Variants in PER3 observed in about 807,000 individuals in gnomAD.
PER3 encodes the protein period circadian protein homolog 3.
PER3 carries 107 observed loss-of-function variants against 127.2 expected under a neutral mutation model. That is an observed-to-expected ratio of 0.84 (90% CI 0.72 to 0.99). PER3 has a LOEUF of 0.99. PER3 is among the 50% of genes least tolerant of loss of function. The pLI, the probability that PER3 is intolerant of heterozygous loss-of-function variation, is 0.00. For missense variants in PER3, 1,560 were observed against 1,525.8 expected, an observed-to-expected ratio of 1.02 and a Z score of -0.37; for synonymous variants, 618 against 585.8, an observed-to-expected ratio of 1.05 and a Z score of -0.79.
At chr1:7,785,236 A>C (rs1477456685) in intron 2 of PER3, among the ~76,000 whole-genome samples, 1 of 152,158 alleles carries the variant, frequency 6.6e-6, no homozygotes, top group Non-Finnish European at 1.5e-5. Flanking sequence ...GCTCAAGTGG[A>C]TTAAGGGAAA....
chr1:7,838,382 A>G (rs922468575), intron 21 of PER3, among the ~76,000 whole-genome samples: 2 of 151,544 alleles, frequency 1.3e-5, no homozygotes, highest in African/African-American at 2.4e-5. Context: ...CCTTCTCCCA[A>G]CCCTTTGCAA....
intron 16 of PER3, among the ~76,000 whole-genome samples, chr1:7,824,843 T>C (rs1210591340): frequency 6.6e-6 from 1 of 152,206 alleles, no homozygotes; most frequent in Non-Finnish European, 1.5e-5. Flanking sequence ...CCGGCACTAT[T>C]CCGCAGCTTG....
At chr1:7,792,718 A>G (rs1381481232) in intron 5 of PER3, among the ~76,000 whole-genome samples, 1 of 152,234 alleles carries the variant, frequency 6.6e-6, no homozygotes, top group African/African-American at 2.4e-5. Context: ...GTCCTGTATT[A>G]GAATATGTTT....
At chr1:7,831,347 G>A (rs2097330683) in intron 19 of PER3, among the ~76,000 whole-genome samples, 1 of 152,108 alleles carries the variant, frequency 6.6e-6, no homozygotes, top group African/African-American at 2.4e-5. Context: ...AGTTTTAGTA[G>A]CTCTTTTTAG....
In PER3 at chr1:7,836,995, T is replaced by C. The variant is rs201102772; in HGVS notation, c.3399-4T>C. 1.2e-5 allele frequency: 19 copies of C among 1,610,046 alleles called. No homozygotes were observed. The highest frequency in any genetic ancestry group is 8.5e-5 in the Admixed American group (5 of 59,126). ...CTATTAAGATTCTGTTTGTTTGTTT[T>C]CAGGGTTAAAGAAGTTGTACTAAAA... On this transcript the variant is annotated splice_polypyrimidine_tract_variant and splice_region_variant and intron_variant, in intron 20 of 21. Transcript: ENST00000377532.
intron 5 of PER3, among the ~76,000 whole-genome samples, chr1:7,791,550 C>T (rs1220607648): frequency 6.6e-6 from 1 of 152,176 alleles, no homozygotes; most frequent in Non-Finnish European, 1.5e-5. Context: ...AGACATTTTC[C>T]CCATTGTCTT....
At chr1:7,840,938 A>G (rs2097383973) in intron 21 of PER3, among the ~76,000 whole-genome samples, 1 of 152,092 alleles carries the variant, frequency 6.6e-6, no homozygotes, top group African/African-American at 2.4e-5. Context: ...GTTGTTTTAA[A>G]ATCTTTGTCT....
At chr1:7,786,891 G>C in intron 4 of PER3, 55 bp downstream of exon 4, 2 of 950,906 alleles carry the variant, frequency 2.1e-6, no homozygotes, top group Non-Finnish European at 3.5e-6. Context: ...CTAAGGGCCT[G>C]CTCTAGATGT....
chr1:7,794,353 C>T (rs1460640382), intron 6 of PER3, among the ~76,000 whole-genome samples: 4 of 152,038 alleles, frequency 2.6e-5, no homozygotes, highest in South Asian at 2.1e-4. Flanking sequence ...ATTAATTAGA[C>T]GTGGTAGTGC....
At chr1:7,810,237 T>G in intron 12 of PER3, 2 of 626,324 alleles carry the variant, frequency 3.2e-6, no homozygotes, top group Admixed American at 6.6e-5. Flanking sequence ...TTCTAAAAAT[T>G]AGCATATTGT....
intron 18 of PER3, among the ~76,000 whole-genome samples, chr1:7,828,474 CAA>C (rs2097313460): frequency 6.6e-6 from 1 of 152,216 alleles, no homozygotes; most frequent in African/African-American, 2.4e-5. Flanking sequence ...GAATCCAAGG[CAA>C]GTGTGAATAT....
Position 7,844,019 on chromosome 1 carries a change from C to G in PER3, c.*1264C>G, listed in dbSNP as rs960024521. On this transcript the variant is annotated 3_prime_UTR_variant, in exon 22 of 22. Transcript: ENST00000377532. ...TAACCTGTTGTCTTTATATAACTTG[C>G]AACAAACTAATTTATTTTTTTTTCC... 6 of 1,093,054 alleles carry G rather than the reference C, an allele frequency of 5.5e-6. No individual in the cohort carries two copies. The South Asian group carries it at 7.9e-5, about 14-fold the overall frequency. 67.7% of individuals were successfully genotyped at this position (1,093,054 alleles called of 1,614,324 possible).
chr1:7,804,690 C>G (rs1192308022), intron 10 of PER3, among the ~76,000 whole-genome samples: 1 of 151,794 alleles, frequency 6.6e-6, no homozygotes, highest in South Asian at 2.1e-4. Flanking sequence ...GTACGAGCCA[C>G]TGCGCCCGGA....
At position 7,829,956 on chromosome 1, in the gene PER3, GCCTCC is replaced by G; in HGVS notation, c.3011_3015del (p.Pro1004HisfsTer77). 2 of 1,126,188 alleles carry G rather than the reference GCCTCC, an allele frequency of 1.8e-6. No individual in the cohort carries two copies. Among genetic ancestry groups the G allele is most frequent in the South Asian group, 2.0e-5 (1 of 50,316 alleles). 69.8% of individuals were successfully genotyped at this position (1,126,188 alleles called of 1,614,324 possible). A position where few individuals can be genotyped will look rare whatever the true frequency, so the allele number is the denominator to read the frequency against. Reference sequence around the variant, plus strand: ...CTGCCAGCGCTCTGTCCACAGGATCGCCTCCCATGAAGAATCCATCCCATCCTACT... The same window carrying G: ...CTGCCAGCGCTCTGTCCACAGGATCGCATGAAGAATCCATCCCATCCTACT... On this transcript the variant is annotated frameshift_variant, in exon 19 of 22. Transcript: ENST00000377532. LOFTEE classifies it high-confidence loss of function.
chr1:7,794,810 C>T (rs1009312494), intron 6 of PER3, among the ~76,000 whole-genome samples: 1 of 151,192 alleles, frequency 6.6e-6, no homozygotes, highest in Admixed American at 6.6e-5. Flanking sequence ...AATTTTTTAT[C>T]TTCTAAATTT....
At chr1:7,816,784 A>G (rs572656229) in intron 13 of PER3, among the ~76,000 whole-genome samples, 73 of 152,306 alleles carry the variant, frequency 4.8e-4, no homozygotes, top group Middle Eastern at 3.4e-3. Context: ...AGTTAGACAT[A>G]CTCTTACCAT....
At chr1:7,823,368 C>T (rs886917637) in intron 16 of PER3, among the ~76,000 whole-genome samples, 8 of 152,110 alleles carry the variant, frequency 5.3e-5, no homozygotes, top group South Asian at 2.1e-4. Context: ...AGCAGCCGGG[C>T]GTGGTGGTTC....
chr1:7,827,089 A>T, intron 17 of PER3, 29 bp from the exon 18 acceptor site: 1 of 1,512,854 alleles, frequency 6.6e-7, no homozygotes, highest in Non-Finnish European at 8.9e-7. Context: ...TTAATTTTCC[A>T]TAATTTGCCT....
At position 7,808,937 on chromosome 1, in the gene PER3, T is replaced by C; in HGVS notation, c.1181T>C (p.Met394Thr). The part of the protein sequence containing the change: ...EDVFATKIKK[M>T]NDNDKDITEL... ...GTTTTTGCTACCAAAATTAAAAAGA[T>C]GAACGATAATGACAAAGACATAACA... Residue 394 changes from methionine to threonine, a missense_variant, in exon 11 of 22, where the codon ATG becomes ACG. Physicochemically the swap from Met to Thr is moderately conservative, Grantham distance 81. This residue lies in a region of PER3 where 1,332 missense variants were observed against 1,223.6 expected (regional missense o/e 1.09). Coordinates refer to ENST00000377532, the MANE Select transcript of PER3 (RefSeq NM_001377275.1). 4.4e-6 allele frequency: 7 copies of C among 1,602,766 alleles called. No individual in the cohort carries two copies. Among genetic ancestry groups the C allele is most frequent in the Non-Finnish European group, 6.0e-6 (7 of 1,170,384 alleles).
Sources: gnomAD v4.1 joint callset for allele counts (sites outside exome capture counted in the v4.1 genomes callset) on GRCh38, gnomAD v4.1.1 for gene constraint, gnomAD v4.1.1 regional missense constraint, MANE v1.5 for transcripts, NCBI Gene and HGNC (gene_info 2026-07-23, HGNC 2026-07-21) for gene names.